Variants in PRSS57 observed in about 807,000 individuals in gnomAD.
PRSS57 encodes neutrophil serine protease 4.
PRSS57 carries 19 observed loss-of-function variants against 20.6 expected under a neutral mutation model. The ratio of observed to expected loss-of-function variants is 0.92; its 90% CI spans 0.64 to 1.35. PRSS57 has a LOEUF of 1.35. Among genes scored for constraint, PRSS57 ranks in the 40% most tolerant of loss-of-function variants. The pLI is 0.00. For synonymous variants in PRSS57, 203 were observed against 176.6 expected, an observed-to-expected ratio of 1.15 and a Z score of -1.19; for missense variants, 440 against 403.7, an observed-to-expected ratio of 1.09 and a Z score of -0.77.
Position 694,943 on chromosome 19 carries a change from C to T in PRSS57, c.104G>A (p.Gly35Glu), listed in dbSNP as rs2031748111. The T allele has an allele frequency of 6.4e-7, 1 of 1,570,374 alleles. No individual in the cohort carries two copies. The stretch of plus-strand genomic sequence containing the variant: ...GGAGTGGGGGGTCACCTCGTGGCCC[C>T]CGATGATCTGGGCCCCCCAGGAGCC... ...PPGSWGAQIIGGHEVTPHSRP... is the reference protein window; with the variant it reads ...PPGSWGAQIIEGHEVTPHSRP... The change falls in exon 2 of 5, where the codon GGG becomes GAG. Residue 35 changes from glycine (G) to glutamate (E), a missense_variant. Transcript: ENST00000329267.
At chr19:692,831 A>G (rs1270495767) in intron 2 of PRSS57, among the ~76,000 whole-genome samples, 1 of 152,072 alleles carries the variant, frequency 6.6e-6, no homozygotes, top group Non-Finnish European at 1.5e-5. Flanking sequence ...TTATAAAAAC[A>G]TATTTAGAAT....
chr19:686,874 G>C, intron 4 of PRSS57, 51 bp downstream of exon 4: 4 of 1,575,590 alleles, frequency 2.5e-6, no homozygotes, highest in Non-Finnish European at 3.5e-6. Flanking sequence ...CCTCTCTGTG[G>C]GCCTTGGTTT....
intron 1 of PRSS57, 51 bp from the exon 2 acceptor site, chr19:695,018 G>T: frequency 6.8e-7 from 1 of 1,467,850 alleles, no homozygotes. Context: ...AACGGATGAC[G>T]GGGCTGGGGT....
chr19:694,990 CAG>C, intron 1 of PRSS57, 23 bp from the exon 2 acceptor site: 2 of 1,505,574 alleles, frequency 1.3e-6, no homozygotes, highest in Non-Finnish European at 1.8e-6. Flanking sequence ...CGGCCTGAGT[CAG>C]GGACGAGGCG....
chr19:692,020 T>C lies in PRSS57; in HGVS notation c.234-18A>G, dbSNP rs1024562703. ...GGAGGTCTCTGCAGGGAGGAGGTGGTGGGTGAGACGGGGGTGAGGGCTGCC... is the reference window on the plus strand; with the variant it reads ...GGAGGTCTCTGCAGGGAGGAGGTGGCGGGTGAGACGGGGGTGAGGGCTGCC... On this transcript the variant is annotated intron_variant, in intron 2 of 4. Coordinates refer to ENST00000329267, the MANE Select transcript of PRSS57 (RefSeq NM_001308209.2). 9.9e-6 allele frequency: 13 copies of C among 1,307,106 alleles called. No individual in the cohort carries two copies. The Admixed American group carries it at 3.6e-4, about 36-fold the overall frequency. The allele number at this position is 1,307,106 out of a possible 1,614,324, so 81.0% of individuals were successfully genotyped here. A position where few individuals can be genotyped will look rare whatever the true frequency, so the allele number is the denominator to read the frequency against.
intron 3 of PRSS57, among the ~76,000 whole-genome samples, chr19:687,993 G>T (rs1453285897): frequency 6.6e-6 from 1 of 152,214 alleles, no homozygotes; most frequent in Non-Finnish European, 1.5e-5. Flanking sequence ...TGGCACGTGA[G>T]TCTTCTCTGG....
In PRSS57 at chr19:687,124, C is replaced by T; in HGVS notation, c.443G>A (p.Arg148Lys). The stretch of plus-strand genomic sequence containing the variant: ...GCACCGTGTCCCCGCTGTGGGGGGC[C>T]TGGCCCTTCTCCCTGGCGGCCTCAG... ...GLLRPPGRRA[R>K]PPTAGTRCRV... Residue 148 changes from arginine to lysine, a missense_variant, in exon 4 of 5, where the codon AGG becomes AAG. By Grantham distance (26) the Arg-to-Lys change is conservative. Transcript: ENST00000329267. The T allele has an allele frequency of 6.2e-7, 1 of 1,610,054 alleles. No individual in the cohort carries two copies. Among genetic ancestry groups the T allele is most frequent in the Non-Finnish European group, 8.5e-7 (1 of 1,178,054 alleles).
chr19:686,884 T>G, intron 4 of PRSS57, 41 bp downstream of exon 4: 2 of 1,584,104 alleles, frequency 1.3e-6, no homozygotes, highest in South Asian at 2.3e-5. Flanking sequence ...GGCCTTGGTT[T>G]CCCCACACAG....
At chr19:688,459 G>A (rs2031538320) in intron 3 of PRSS57, among the ~76,000 whole-genome samples, 1 of 149,750 alleles carries the variant, frequency 6.7e-6, no homozygotes, top group Non-Finnish European at 1.5e-5. Context: ...TCCTGCCTCA[G>A]CCTCTGGAAT....
chr19:687,229 C>T (rs1190176140), intron 3 of PRSS57, 41 bp from the exon 4 acceptor site: 1 of 1,450,350 alleles, frequency 6.9e-7, no homozygotes, highest in Non-Finnish European at 9.1e-7. Flanking sequence ...GGCTCCCTCC[C>T]CACCCCCGCT....
intron 4 of PRSS57, 82 bp from the exon 5 acceptor site, chr19:686,004 C>G: frequency 8.3e-7 from 1 of 1,199,742 alleles, no homozygotes; most frequent in African/African-American, 1.5e-5. Context: ...TGCCTCAGAA[C>G]CCTCTGTGGC....
rs1260025378 is a variant in PRSS57, at chr19:695,442, G to A, written c.-12C>T. 2 of 1,251,124 alleles carry A rather than the reference G, an allele frequency of 1.6e-6. No individual in the cohort carries two copies. Among genetic ancestry groups the A allele is most frequent in the Non-Finnish European group, 2.0e-6 (2 of 990,274 alleles). The allele number at this position is 1,251,124 out of a possible 1,614,324, so 77.5% of individuals were successfully genotyped here. ...AACCCGAGCCCCATGGCAGACGCAG[G>A]CTGGCGTCTCCCCGCAGAGGTCTTC... On this transcript the variant is annotated 5_prime_UTR_variant, in exon 1 of 5. Coordinates refer to ENST00000329267, the MANE Select transcript of PRSS57 (RefSeq NM_001308209.2).
At chr19:690,040 G>A (rs75328503) in intron 3 of PRSS57, among the ~76,000 whole-genome samples, 42,126 of 150,912 alleles carry the variant, frequency 0.28, 6,135 homozygotes, top group East Asian at 0.4. Context: ...GTGCCAAAGT[G>A]AGACTCCGTC....
chr19:688,906 G>A (rs2031550785), intron 3 of PRSS57, among the ~76,000 whole-genome samples: 1 of 152,126 alleles, frequency 6.6e-6, no homozygotes, highest in South Asian at 2.1e-4. Context: ...GCCCCACACA[G>A]GGACTTTAAG....
At chr19:692,562 G>C (rs374574512) in intron 2 of PRSS57, among the ~76,000 whole-genome samples, 2 of 151,176 alleles carry the variant, frequency 1.3e-5, no homozygotes, top group African/African-American at 4.9e-5. Context: ...GACTACAGGC[G>C]TGCGCCACCA....
Position 691,917 on chromosome 19 carries a change from G to A in PRSS57, c.319C>T (p.Leu107Phe). The A allele has an allele frequency of 7.5e-7, 1 of 1,337,492 alleles. No homozygotes were observed. 82.9% of individuals were successfully genotyped at this position (1,337,492 alleles called of 1,614,324 possible). ...GGGTGGTAGTCGGGGTGTGTGGTGA[G>A]AGCATCGATGCCAAACACCTGCTGG... ...PTQQVFGIDA[L>F]TTHPDYHPMT... The change falls in exon 3 of 5, where the codon CTC (leucine) becomes TTC (phenylalanine). Residue 107 changes from leucine to phenylalanine, a missense_variant. Transcript: ENST00000329267.
chr19:695,353 G>T lies in PRSS57; in HGVS notation c.78C>A (p.Pro26=). 7.9e-7 allele frequency: 1 copy of T among 1,268,644 alleles called. No homozygotes were observed. Among genetic ancestry groups the T allele is most frequent in the Non-Finnish European group, 1.0e-6 (1 of 1,002,368 alleles). The allele number at this position is 1,268,644 out of a possible 1,614,324, so 78.6% of individuals were successfully genotyped here. A position where few individuals can be genotyped will look rare whatever the true frequency, so the allele number is the denominator to read the frequency against. The change falls in exon 1 of 5, where the codon CCC becomes CCA. Residue 26 remains proline (P), a splice_region_variant and synonymous_variant. Transcript: ENST00000329267. ...TGGGGATCCCGGGGGGCTCCTCACCGGGGGGCTTCACGGGCAGCATCAGGG... is the reference window on the plus strand; with the variant it reads ...TGGGGATCCCGGGGGGCTCCTCACCTGGGGGCTTCACGGGCAGCATCAGGG... ...ATALMLPVKP[P]GSWGAQIIGG...
At position 685,573 on chromosome 19, in the gene PRSS57, T is replaced by C; in HGVS notation, c.*143A>G. The C allele has an allele frequency of 2.6e-6, 2 of 774,596 alleles. No homozygotes were observed. Among genetic ancestry groups the C allele is most frequent in the South Asian group, 3.9e-5 (2 of 51,830 alleles). 48.0% of individuals were successfully genotyped at this position (774,596 alleles called of 1,614,324 possible). On this transcript the variant is annotated 3_prime_UTR_variant, in exon 5 of 5. Coordinates refer to ENST00000329267, the MANE Select transcript of PRSS57 (RefSeq NM_001308209.2). The stretch of plus-strand genomic sequence containing the variant: ...CAGTTAACATTTTACTGGGTTTGCT[T>C]CTGCCCTTTGCATGTGGAATGGGTG...
intron 3 of PRSS57, among the ~76,000 whole-genome samples, chr19:687,670 T>G (rs1017396370): frequency 6.6e-6 from 1 of 152,122 alleles, no homozygotes; most frequent in Non-Finnish European, 1.5e-5. Context: ...CCTCCCAAAG[T>G]GCTGGGATTA....
Sources: gnomAD v4.1 joint callset for allele counts (sites outside exome capture counted in the v4.1 genomes callset) on GRCh38, gnomAD v4.1.1 for gene constraint, MANE v1.5 for transcripts, NCBI Gene and HGNC (gene_info 2026-07-23, HGNC 2026-07-21) for gene names.